Variants in XPO7 observed in about 807,000 individuals in gnomAD.
The protein encoded by XPO7 is exportin 7, also known as exportin-7.
Under a neutral mutation model 144.3 loss-of-function variants are expected in XPO7, and 21 were observed. The observed-to-expected ratio is 0.15, with a 90% CI of 0.10 to 0.21. The LOEUF is 0.21. XPO7 is among the 10% of genes least tolerant of loss of function. XPO7 has a pLI of 1.00. For synonymous variants in XPO7, 580 were observed against 499.6 expected, an observed-to-expected ratio of 1.16 and a Z score of -2.15; for missense variants, 808 against 1,325.8, an observed-to-expected ratio of 0.61 and a Z score of 6.06.
At chr8:21,990,604 G>A (rs1812739522) in intron 17 of XPO7, 197 bp downstream of exon 17, 1 of 722,128 alleles carries the variant, frequency 1.4e-6, no homozygotes, top group Non-Finnish European at 2.3e-6. Context: ...GAGTTATGGT[G>A]AAGTCACCTA....
chr8:22,002,496 T>C (rs9969551), intron 25 of XPO7, among the ~76,000 whole-genome samples: 88,082 of 152,010 alleles, frequency 0.58, 26,200 homozygotes, highest in African/African-American at 0.73. Flanking sequence ...GTCACAGTGA[T>C]CCCTATGCCC....
intron 24 of XPO7, among the ~76,000 whole-genome samples, chr8:22,001,059 C>T: frequency 6.6e-6 from 1 of 151,974 alleles, no homozygotes; most frequent in East Asian, 1.9e-4. Context: ...CGTGGTGGCT[C>T]ATCCCAGCAC....
chr8:21,979,865 A>G (rs937858261), intron 8 of XPO7, among the ~76,000 whole-genome samples: 7 of 152,084 alleles, frequency 4.6e-5, no homozygotes, highest in African/African-American at 1.7e-4. Flanking sequence ...CAAAGATGCC[A>G]TTGGAGTGGT....
At chr8:21,964,729 A>G (rs1049222073) in intron 1 of XPO7, among the ~76,000 whole-genome samples, 3 of 152,250 alleles carry the variant, frequency 2.0e-5, no homozygotes, top group African/African-American at 7.2e-5. Context: ...CTTACCCTGC[A>G]GTATGTTTTG....
At chr8:21,995,812 GGTTT>G (rs1585480301) in intron 21 of XPO7, among the ~76,000 whole-genome samples, 1 of 151,910 alleles carries the variant, frequency 6.6e-6, no homozygotes, top group Admixed American at 6.5e-5. Flanking sequence ...CACTTTTTTT[GGTTT>G]GTTTGTCTTG....
chr8:21,956,976 T>C (rs1811557071), intron 1 of XPO7, among the ~76,000 whole-genome samples: 1 of 152,206 alleles, frequency 6.6e-6, no homozygotes, highest in African/African-American at 2.4e-5. Context: ...CAGAGTTGAC[T>C]GGAACCTCTG....
At chr8:21,931,481 G>T (rs987377564) in intron 1 of XPO7, among the ~76,000 whole-genome samples, 8 of 152,148 alleles carry the variant, frequency 5.3e-5, no homozygotes, top group African/African-American at 1.9e-4. Flanking sequence ...TACAGCAACC[G>T]CAAGACTTGA....
At chr8:21,937,131 AT>A (rs1810845628) in intron 1 of XPO7, among the ~76,000 whole-genome samples, 1 of 152,198 alleles carries the variant, frequency 6.6e-6, no homozygotes, top group Admixed American at 6.5e-5. Context: ...ATCTTGTGGA[AT>A]TTTTGGCATG....
chr8:21,976,774 C>G (rs1429122148), intron 7 of XPO7, among the ~76,000 whole-genome samples: 1 of 152,244 alleles, frequency 6.6e-6, no homozygotes, highest in Non-Finnish European at 1.5e-5. Context: ...CCATCTCAGC[C>G]TCCCAAGTAT....
intron 14 of XPO7, 26 bp downstream of exon 14, chr8:21,987,302 T>G (rs747389879): frequency 3.6e-5 from 58 of 1,613,400 alleles, no homozygotes; most frequent in Middle Eastern, 1.6e-4. Flanking sequence ...TTGGCTCCCC[T>G]TAGTTCTCAC....
intron 18 of XPO7, among the ~76,000 whole-genome samples, chr8:21,991,519 C>T (rs1204517431): frequency 1.3e-5 from 2 of 152,198 alleles, no homozygotes; most frequent in Admixed American, 6.5e-5. Flanking sequence ...GTTTGAGTCT[C>T]ATCTGGTTCT....
chr8:21,953,927 G>T (rs1811453626), intron 1 of XPO7, among the ~76,000 whole-genome samples: 1 of 152,068 alleles, frequency 6.6e-6, no homozygotes, highest in Non-Finnish European at 1.5e-5. Context: ...TTTTGCAGAG[G>T]TTTTCTCCCA....
intron 1 of XPO7, among the ~76,000 whole-genome samples, chr8:21,961,320 C>T (rs892042414): frequency 3.5e-4 from 53 of 151,870 alleles, no homozygotes; most frequent in African/African-American, 1.2e-3. Context: ...GACAATCCTC[C>T]TGCCTCAGCC....
chr8:21,991,336 A>T (rs1026655925), intron 18 of XPO7, among the ~76,000 whole-genome samples: 8 of 152,226 alleles, frequency 5.3e-5, no homozygotes, highest in African/African-American at 1.7e-4. Context: ...CTTTTGTAGC[A>T]GTAGTGGTGA....
chr8:22,004,467 T>C (rs1051114573), intron 27 of XPO7, among the ~76,000 whole-genome samples: 1 of 152,226 alleles, frequency 6.6e-6, no homozygotes, highest in African/African-American at 2.4e-5. Flanking sequence ...GCATTGAGTA[T>C]CTGGGCTTTG....
rs574506717 is a variant in XPO7, at chr8:21,945,908, C to G, written c.19-20949C>G. Among the ~76,000 whole-genome samples, 9 of 152,216 alleles carry G rather than the reference C, an allele frequency of 5.9e-5. No individual in the cohort carries two copies. In the South Asian group the frequency reaches 1.9e-3, roughly 32 times the overall value. The stretch of plus-strand genomic sequence containing the variant: ...ACTGGAGTGTTGGGAGTAGTGAAGT[C>G]AAAATTGCTGTAGGGTCAAATGCCA... On this transcript the variant is annotated intron_variant, in intron 1 of 27. Coordinates refer to ENST00000252512, the MANE Select transcript of XPO7 (RefSeq NM_015024.5).
intron 1 of XPO7, among the ~76,000 whole-genome samples, chr8:21,921,254 C>T (rs1265572765): frequency 1.3e-5 from 2 of 152,184 alleles, no homozygotes; most frequent in Non-Finnish European, 2.9e-5. Context: ...TTACAAGACT[C>T]AGGCAGGAAT....
intron 1 of XPO7, among the ~76,000 whole-genome samples, chr8:21,956,709 A>T (rs919930898): frequency 2.7e-5 from 4 of 146,412 alleles, no homozygotes; most frequent in African/African-American, 1.0e-4. Flanking sequence ...ATTTTCTAAC[A>T]TCTCTTTTTA....
At chr8:21,983,457 G>T (rs955420969) in intron 11 of XPO7, among the ~76,000 whole-genome samples, 6 of 152,132 alleles carry the variant, frequency 3.9e-5, no homozygotes, top group African/African-American at 1.4e-4. Context: ...AAGGGTCTGG[G>T]GCCTTTTTAA....
Sources: allele counts gnomAD v4.1 joint callset (sites outside exome capture counted in the v4.1 genomes callset), GRCh38; gene constraint gnomAD v4.1.1; transcripts MANE v1.5; gene names NCBI Gene and HGNC (gene_info 2026-07-23, HGNC 2026-07-21).